F7: variants seen among roughly 807,000 people sequenced by gnomAD.
The protein encoded by F7 is FVII coagulation protein.
A neutral mutation model predicts 47.5 loss-of-function variants in F7; 38 were observed. The ratio of observed to expected loss-of-function variants is 0.80; its 90% CI spans 0.62 to 1.05. F7 has a LOEUF of 1.05. F7 is among the 50% of genes least tolerant of loss of function. The pLI is 0.00. For missense variants in F7, 575 were observed against 605.4 expected (o/e 0.95, Z 0.53); for synonymous variants, 244 against 258.5 (o/e 0.94, Z 0.54).
rs757750790 is a variant in F7, at chr13:113,118,633, C to T, written c.960C>T (p.Ser320=). The T allele has an allele frequency of 1.1e-5, 18 of 1,612,928 alleles. No individual in the cohort carries two copies. In the Admixed American group the frequency reaches 2.2e-4, roughly 19 times the overall value. The change falls in exon 8 of 8, where the codon AGC becomes AGT. Residue 320 remains serine (S), a synonymous_variant. Coordinates refer to ENST00000346342, the MANE Select transcript of F7 (RefSeq NM_019616.4). ...CCTTCGTGCGCTTCTCATTGGTCAG[C>T]GGCTGGGGCCAGCTGCTGGACCGTG... is the stretch of plus-strand genomic sequence containing the variant. The part of the protein sequence containing the change: ...TLAFVRFSLV[S]GWGQLLDRGA...
intron 1 of F7, chr13:113,106,733 C>T (rs375205403): frequency 1.1e-4 from 90 of 820,926 alleles, no homozygotes; most frequent in Admixed American, 2.3e-4. Flanking sequence ...GTGGGGATGG[C>T]GTGTGGGGAT....
At chr13:113,118,106 C>A (rs1459419606) in intron 7 of F7, among the ~76,000 whole-genome samples, 1 of 152,204 alleles carries the variant, frequency 6.6e-6, no homozygotes, top group Non-Finnish European at 1.5e-5. Flanking sequence ...CCCAGGAGGG[C>A]CACTGGGCCG....
Position 113,106,743 on chromosome 13 carries a change from T to C in F7, c.64+838T>C, listed in dbSNP as rs1270000189. 4.1e-6 allele frequency: 4 copies of C among 987,586 alleles called. No individual in the cohort carries two copies. The African/African-American group carries it at 8.6e-5, about 21-fold the overall frequency. The allele number at this position is 987,586 out of a possible 1,614,324, so 61.2% of individuals were successfully genotyped here. A position where few individuals can be genotyped will look rare whatever the true frequency, so the allele number is the denominator to read the frequency against. ...GGGGCGTGGGGATGGCGTGTGGGGA[T>C]GGCGAGTGGGGGGTGGGCTGTGAGG... is the stretch of plus-strand genomic sequence containing the variant. On this transcript the variant is annotated intron_variant, in intron 1 of 7. Transcript: ENST00000346342.
chr13:113,106,197 G>T (rs1159864738), intron 1 of F7, among the ~76,000 whole-genome samples: 1 of 145,254 alleles, frequency 6.9e-6, no homozygotes, highest in Non-Finnish European at 1.5e-5. Context: ...TCGGACAAGC[G>T]CAGGGAGTCT....
chr13:113,110,737 C>A lies in F7; in HGVS notation c.112C>A (p.Arg38Ser). 1 of 1,548,908 alleles carries A rather than the reference C, an allele frequency of 6.5e-7. No individual in the cohort carries two copies. Among genetic ancestry groups the A allele is most frequent in the East Asian group, 2.4e-5 (1 of 40,854 alleles). ...EAHGVLHRRR[R>S]ANAFLEELRP... ...CCACGGCGTCCTGCACCGGCGCCGG[C>A]GCGCCAACGCGTTCCTGGAGGAGCT... is the stretch of plus-strand genomic sequence containing the variant. The change falls in exon 2 of 8, where the codon CGC becomes AGC. Residue 38 changes from arginine to serine, a missense_variant. By Grantham distance (110) the Arg-to-Ser change is moderately radical. Coordinates refer to ENST00000346342, the MANE Select transcript of F7 (RefSeq NM_019616.4).
intron 4 of F7, chr13:113,114,510 C>A (rs1382315537): frequency 2.9e-5 from 5 of 175,342 alleles, no homozygotes; most frequent in Admixed American, 5.4e-5. Flanking sequence ...CAGGCACAAG[C>A]TTCCCCTTGT....
rs968501143 is a variant in F7 at position 113,111,039 on chromosome 13, A to C, written c.225+189A>C. 5.1e-4 allele frequency among the ~76,000 whole-genome samples: 77 copies of C among 151,738 alleles called. No homozygotes were observed. The East Asian group carries it at 0.013, about 26-fold the overall frequency. ...TCCGCTTTCCTGGGCGATGCCCCCC[A>C]CCCCCAGGCACGCGCTCTCCCCGTG... is the stretch of plus-strand genomic sequence containing the variant. On this transcript the variant is annotated intron_variant, in intron 2 of 7. Coordinates refer to ENST00000346342, the MANE Select transcript of F7 (RefSeq NM_019616.4).
intron 4 of F7, among the ~76,000 whole-genome samples, chr13:113,114,216 C>G (rs2760564): frequency 6.6e-6 from 1 of 152,208 alleles, no homozygotes; most frequent in Non-Finnish European, 1.5e-5. Context: ...TCTCAGCCCT[C>G]GAGATGGCCC....
chr13:113,113,489 C>T lies in F7; in HGVS notation c.226-263C>T, dbSNP rs896446558. On this transcript the variant is annotated intron_variant, in intron 2 of 7. Coordinates refer to ENST00000346342, the MANE Select transcript of F7 (RefSeq NM_019616.4). This position sits in a 1 kb window ranked among gnomAD's most constrained non-coding sequence, Gnocchi z 4.1. ...ACCTCGTCCCAGGTCCACAGCTCAGCGACAGAAGAGTCAGGGTTGAACCTC... is the reference window on the plus strand; with the variant it reads ...ACCTCGTCCCAGGTCCACAGCTCAGTGACAGAAGAGTCAGGGTTGAACCTC... Among the ~76,000 whole-genome samples, 10 of 152,156 alleles carry T rather than the reference C, an allele frequency of 6.6e-5. No homozygotes were observed. The highest frequency in any genetic ancestry group is 1.9e-4 in the African/African-American group (8 of 41,452).
chr13:113,107,277 G>A (rs1447709333), intron 1 of F7, among the ~76,000 whole-genome samples: 10 of 77,812 alleles, frequency 1.3e-4, no homozygotes, highest in South Asian at 9.8e-4. Flanking sequence ...TCCCGGGGGC[G>A]TGGGTGTCCC....
intron 2 of F7, among the ~76,000 whole-genome samples, chr13:113,111,396 T>A (rs1279140337): frequency 5.9e-5 from 7 of 118,986 alleles, no homozygotes; most frequent in Non-Finnish European, 1.0e-4. Flanking sequence ...CACTCACAGG[T>A]CACCTCACAC....
chr13:113,114,035 T>C, intron 4 of F7, 75 bp downstream of exon 4: 1 of 1,519,360 alleles, frequency 6.6e-7, no homozygotes. Flanking sequence ...CCAACCGGGC[T>C]GCAGGGTGCA....
At chr13:113,115,551 C>G (rs1436227052) in intron 4 of F7, 109 bp from the exon 5 acceptor site, 7 of 1,274,060 alleles carry the variant, frequency 5.5e-6, no homozygotes, top group Non-Finnish European at 6.7e-6. Flanking sequence ...CAGCTCAGTG[C>G]CACCTTCCAG....
In F7 at chr13:113,115,733, C is replaced by G. The variant is rs149461706; in HGVS notation, c.438C>G (p.Thr146=). 1.9e-5 allele frequency: 31 copies of G among 1,613,026 alleles called. 1 individual carries two copies. The Middle Eastern group carries it at 6.6e-4, about 34-fold the overall frequency. Reference sequence around the variant, plus strand: ...AGTACTGCAGTGACCACACGGGCACCAAGCGCTCCTGTCGGTGCCACGAGG... The same window carrying G: ...AGTACTGCAGTGACCACACGGGCACGAAGCGCTCCTGTCGGTGCCACGAGG... The part of the protein sequence containing the change: ...CEQYCSDHTG[T]KRSCRCHEGY... The change falls in exon 5 of 8, where the codon ACC becomes ACG. Residue 146 remains threonine (T), a synonymous_variant. Transcript: ENST00000346342.
chr13:113,113,413 C>T lies in F7; in HGVS notation c.226-339C>T, dbSNP rs960052372. ...TGCATCTGCTACTGCACCCTCTCCC[C>T]GTATGTGTGGCCACCCTGTCAGAGG... On this transcript the variant is annotated intron_variant, in intron 2 of 7. Coordinates refer to ENST00000346342, the MANE Select transcript of F7 (RefSeq NM_019616.4). This position sits in a 1 kb window ranked among gnomAD's most constrained non-coding sequence, Gnocchi z 4.1. Among the ~76,000 whole-genome samples the T allele has an allele frequency of 7.9e-5, 12 of 152,242 alleles. No homozygotes were observed. Among genetic ancestry groups the T allele is most frequent in the Non-Finnish European group, 1.5e-4 (10 of 68,044 alleles).
rs577927838 is a variant in F7 at position 113,119,293 on chromosome 13, G to A, written c.*285G>A. On this transcript the variant is annotated 3_prime_UTR_variant, in exon 8 of 8. Transcript: ENST00000346342. ...AGATGAGAGGCAGAGGCAGACAGGC[G>A]CTGGACAGAGGGGCAGGGGAGTGCC... The A allele has an allele frequency of 1.4e-3, 664 of 481,998 alleles. 2 individuals carry two copies. Among genetic ancestry groups the A allele is most frequent in the Middle Eastern group, 9.4e-3 (17 of 1,804 alleles). 29.9% of individuals were successfully genotyped at this position (481,998 alleles called of 1,614,324 possible).
intron 1 of F7, chr13:113,110,393 C>G (rs1045640389): frequency 5.5e-6 from 2 of 362,710 alleles, no homozygotes; most frequent in African/African-American, 2.2e-5. Context: ...CGCAGCCTCA[C>G]GTTTACGCGG....
chr13:113,108,793 T>A (rs1422399061), intron 1 of F7, among the ~76,000 whole-genome samples: 37 of 51,668 alleles, frequency 7.2e-4, no homozygotes, highest in East Asian at 2.3e-3. Context: ...CCCAGGGGTG[T>A]GGGTGTCCCG....
intron 1 of F7, among the ~76,000 whole-genome samples, chr13:113,110,063 G>A (rs2036059334): frequency 6.6e-6 from 1 of 152,154 alleles, no homozygotes; most frequent in Admixed American, 6.5e-5. Context: ...GGATCCGCGC[G>A]AGGTCTGGAG....
Sources: gnomAD v4.1 joint callset for allele counts (sites outside exome capture counted in the v4.1 genomes callset) on GRCh38, gnomAD v4.1.1 for gene constraint, Gnocchi (gnomAD v3.1) non-coding constraint, MANE v1.5 for transcripts, NCBI Gene and HGNC (gene_info 2026-07-23, HGNC 2026-07-21) for gene names.